CCDC57: variants seen among roughly 807,000 people sequenced by gnomAD.
CCDC57 encodes the protein coiled-coil domain containing 57.
In CCDC57, 118 loss-of-function variants were observed where a neutral mutation model predicts 118.9. The ratio of observed to expected loss-of-function variants is 0.99; its 90% confidence interval spans 0.86 to 1.16. The LOEUF (loss-of-function observed/expected upper bound fraction) is 1.16, where lower values mean the gene tolerates loss of function less well. CCDC57 is among the 50% of genes most tolerant of loss of function. The pLI, the probability that CCDC57 is intolerant of heterozygous loss-of-function variation, is 0.00. For synonymous variants in CCDC57, 527 were observed against 532.9 expected (o/e 0.99, Z 0.15); for missense variants, 1,300 against 1,320.7 (o/e 0.98, Z 0.24).
chr17:82,123,674 C>G (rs188847265), intron 19 of CCDC57, among the ~76,000 whole-genome samples: 2 of 152,020 alleles, frequency 1.3e-5, no homozygotes, highest in Non-Finnish European at 2.9e-5. Context: ...TAATTTAATT[C>G]TCTGACCAGA....
At position 82,202,097 on chromosome 17, in the gene CCDC57, G is replaced by A. The variant is rs547968273; in HGVS notation, c.-8-145C>T. 185 of 787,964 alleles carry A rather than the reference G, an allele frequency of 2.3e-4. 3 individuals carry two copies. In the South Asian group the frequency reaches 2.6e-3, roughly 11 times the overall value. The allele number at this position is 787,964 out of a possible 1,614,324, so 48.8% of individuals were successfully genotyped here. On this transcript the variant is annotated intron_variant, in intron 2 of 19. Transcript: ENST00000665763. ...TGTAATCCCAGCCCTTTGGGAGGCCGAGGCAGGCGGATCACCTGAGGTCAG... is the reference window on the plus strand; with the variant it reads ...TGTAATCCCAGCCCTTTGGGAGGCCAAGGCAGGCGGATCACCTGAGGTCAG...
chr17:82,193,769 T>C (rs754151052), exon 7 of CCDC57: 2 of 1,599,026 alleles, frequency 1.3e-6, no homozygotes, highest in South Asian at 1.1e-5. Flanking sequence ...CTCTTAAATG[T>C]TTCCTCTTCC....
At chr17:82,157,453 T>C (rs2042811409) in intron 15 of CCDC57, 2 of 1,381,178 alleles carry the variant, frequency 1.4e-6, no homozygotes, top group African/African-American at 1.5e-5. Context: ...GTGTGTGCGT[T>C]TCCAACACAA....
At chr17:82,204,651 T>C (rs980745567) in intron 2 of CCDC57, among the ~76,000 whole-genome samples, 4 of 151,952 alleles carry the variant, frequency 2.6e-5, no homozygotes, top group Non-Finnish European at 5.9e-5. Flanking sequence ...GGCGTGGTGG[T>C]GGGCGCCTGT....
In CCDC57 at chr17:82,199,758, C is replaced by T. The variant is rs79617534; in HGVS notation, c.408-1336G>A. 5.3e-5 allele frequency among the ~76,000 whole-genome samples: 8 copies of T among 152,224 alleles called. No homozygotes were observed. In the East Asian group the frequency reaches 7.8e-4, roughly 15 times the overall value. ...TGAGCACCAGCCTTCATGCTGGGGACGGGAGCTTCCAGACACCCTCCCTCC... is the reference window on the plus strand; with the variant it reads ...TGAGCACCAGCCTTCATGCTGGGGATGGGAGCTTCCAGACACCCTCCCTCC... On this transcript the variant is annotated intron_variant, in intron 3 of 19. Transcript: ENST00000665763.
intron 4 of CCDC57, among the ~76,000 whole-genome samples, chr17:82,196,788 C>T (rs1235318157): frequency 1.3e-5 from 2 of 151,496 alleles, no homozygotes; most frequent in Non-Finnish European, 3.0e-5. Flanking sequence ...AGAAGAAGCC[C>T]CTCAGGACAC....
intron 11 of CCDC57, among the ~76,000 whole-genome samples, chr17:82,174,211 G>C (rs2045161273): frequency 6.6e-6 from 1 of 152,240 alleles, no homozygotes; most frequent in Non-Finnish European, 1.5e-5. Context: ...AGGACGCTCT[G>C]ACTGCCCGCT....
At chr17:82,106,172 C>T (rs2034831348) in intron 19 of CCDC57, 1 of 152,490 alleles carries the variant, frequency 6.6e-6, no homozygotes, top group African/African-American at 2.4e-5. Context: ...TGAGAGGAGT[C>T]ACCTAGTAGT....
intron 16 of CCDC57, among the ~76,000 whole-genome samples, chr17:82,145,383 C>T (rs984818821): frequency 7.3e-5 from 11 of 151,196 alleles, no homozygotes; most frequent in Non-Finnish European, 1.5e-4. Flanking sequence ...CCCGTTTCTA[C>T]TAAAAATACA....
intron 9 of CCDC57, among the ~76,000 whole-genome samples, chr17:82,179,674 G>T (rs1422705725): frequency 6.6e-6 from 1 of 152,100 alleles, no homozygotes; most frequent in East Asian, 1.9e-4. Context: ...AGGGACAGAG[G>T]GGTGGGAACG....
rs748764751 is a variant in CCDC57 at position 82,210,266 on chromosome 17, C to A, written c.-210-2218G>T. ...GTTCTTTCTTATAGGAAAATCCCAA[C>A]TAATAAATGTAGGAGTAATGGAAAC... On this transcript the variant is annotated intron_variant, in intron 1 of 19. Coordinates refer to ENST00000665763, the Ensembl canonical transcript of CCDC57. 1.4e-4 allele frequency among the ~76,000 whole-genome samples: 21 copies of A among 151,812 alleles called. No individual in the cohort carries two copies. The South Asian group carries it at 1.5e-3, about 11-fold the overall frequency.
intron 19 of CCDC57, chr17:82,105,224 G>C (rs914651048): frequency 6.6e-6 from 1 of 152,306 alleles, no homozygotes; most frequent in Non-Finnish European, 1.5e-5. Flanking sequence ...AGTCCATTCT[G>C]TGGCACAGAG....
intron 19 of CCDC57, among the ~76,000 whole-genome samples, chr17:82,119,698 G>A (rs1228790944): frequency 7.9e-5 from 12 of 151,756 alleles, no homozygotes; most frequent in Non-Finnish European, 1.8e-4. Context: ...GGGTTGGGGG[G>A]CACCCACAGG....
chr17:82,131,559 G>A (rs147850608), intron 17 of CCDC57, among the ~76,000 whole-genome samples: 81 of 152,058 alleles, frequency 5.3e-4, no homozygotes, highest in African/African-American at 1.6e-3. Context: ...TGAGTGACAC[G>A]GTGAAACCCT....
chr17:82,146,195 C>G (rs981354892), intron 16 of CCDC57, among the ~76,000 whole-genome samples: 24 of 152,158 alleles, frequency 1.6e-4, no homozygotes, highest in African/African-American at 5.3e-4. Flanking sequence ...AGCCCCCTGG[C>G]TGGACGGCTG....
chr17:82,132,783 G>A (rs1430741316), intron 17 of CCDC57, among the ~76,000 whole-genome samples: 4 of 120,324 alleles, frequency 3.3e-5, no homozygotes, highest in African/African-American at 6.4e-5. Flanking sequence ...TTTTTGAGAC[G>A]GAGTCTTGCT....
chr17:82,109,225 C>T lies in CCDC57; in HGVS notation c.2900-7359G>A, dbSNP rs114008559. Among the ~76,000 whole-genome samples, 649 of 152,302 alleles carry T rather than the reference C, an allele frequency of 4.3e-3. 3 individuals are homozygous for T. Among genetic ancestry groups the T allele is most frequent in the African/African-American group, 0.015 (607 of 41,550 alleles). On this transcript the variant is annotated intron_variant, in intron 19 of 19. Transcript: ENST00000665763. ...TGGACAGGAAACCAAGTGGCCCCAG[C>T]GCCCCGCAGGAGAGCTCAGACTCCA...
At chr17:82,125,965 G>A (rs75867712) in intron 19 of CCDC57, among the ~76,000 whole-genome samples, 1,538 of 152,244 alleles carry the variant, frequency 0.01, 34 homozygotes, top group African/African-American at 0.036. Context: ...ACTGGGAGCC[G>A]TTGCCACTTT....
intron 13 of CCDC57, 70 bp from the exon 13 acceptor site, chr17:82,163,427 A>C: frequency 6.4e-7 from 1 of 1,563,560 alleles, no homozygotes; most frequent in Non-Finnish European, 8.7e-7. Flanking sequence ...GGAGACACAC[A>C]TCTCTATCAG....
Sources: gnomAD v4.1 joint callset for allele counts (sites outside exome capture counted in the v4.1 genomes callset) on GRCh38, gnomAD v4.1.1 for gene constraint, MANE v1.5 for transcripts, NCBI Gene and HGNC (gene_info 2026-07-23, HGNC 2026-07-21) for gene names.